Variants in SLC25A38 observed in about 807,000 individuals in gnomAD.
SLC25A38 encodes mitochondrial glycine transporter.
SLC25A38 carries 27 observed loss-of-function variants against 33.4 expected under a neutral mutation model. The observed-to-expected ratio is 0.81, with a 90% CI of 0.60 to 1.11. The LOEUF (loss-of-function observed/expected upper bound fraction) is 1.11, where lower values mean the gene tolerates loss of function less well. SLC25A38 is among the 50% of genes most tolerant of loss of function. The pLI is 0.00. For synonymous variants in SLC25A38, 123 were observed against 145.9 expected, an observed-to-expected ratio of 0.84 and a Z score of 1.13; for missense variants, 344 against 388.8, an observed-to-expected ratio of 0.88 and a Z score of 0.97.
At position 39,391,516 on chromosome 3, in the gene SLC25A38, G is replaced by C. The variant is rs771915585; in HGVS notation, c.352G>C (p.Gly118Arg). Residue 118 changes from glycine to arginine, a missense_variant, in exon 4 of 7, where the codon GGC (glycine) becomes CGC (arginine). Transcript: ENST00000650617. Reference sequence around the variant, plus strand: ...CTCTTTGAAGCAGTATTTCTTGCGAGGCCATCCCCCAACCGCCCTGGAGTC... The same window carrying C: ...CTCTTTGAAGCAGTATTTCTTGCGACGCCATCCCCCAACCGCCCTGGAGTC... ...LYSLKQYFLR[G>R]HPPTALESVM... is the part of the protein sequence containing the mutation. The C allele has an allele frequency of 3.1e-6, 5 of 1,614,198 alleles. No individual in the cohort carries two copies. The highest frequency in any genetic ancestry group is 3.4e-6 in the Non-Finnish European group (4 of 1,180,044).
In SLC25A38 at chr3:39,396,423, A is replaced by C; in HGVS notation, c.818A>C (p.Gln273Pro). The stretch of plus-strand genomic sequence containing the variant: ...GACTATGGACTACGTGGCTTCTTCC[A>C]AGGTGGCATCCCCCGAGCCCTCCGC... The part of the protein sequence containing the change: ...FKDYGLRGFF[Q>P]GGIPRALRRT... The change falls in exon 7 of 7, where the codon CAA becomes CCA. Residue 273 changes from glutamine (Q) to proline (P), a missense_variant. By Grantham distance (76) the Gln-to-Pro change is moderately conservative (BLOSUM62 -1). Transcript: ENST00000650617. 1 of 1,614,092 alleles carries C rather than the reference A, an allele frequency of 6.2e-7. No homozygotes were observed.
intron 6 of SLC25A38, among the ~76,000 whole-genome samples, chr3:39,395,605 C>T (rs1375223529): frequency 6.6e-6 from 1 of 151,394 alleles, no homozygotes; most frequent in Non-Finnish European, 1.5e-5. Context: ...CAAATCAACC[C>T]AGATTATGAG....
Position 39,383,718 on chromosome 3 carries a change from A to T in SLC25A38, c.-7A>T. ...TGGGCCCAGAGGACTCGCGGGCCTCATCTCCAATGATTCAGAACTCACGTC... is the reference window on the plus strand; with the variant it reads ...TGGGCCCAGAGGACTCGCGGGCCTCTTCTCCAATGATTCAGAACTCACGTC... On this transcript the variant is annotated 5_prime_UTR_variant, in exon 1 of 7. Transcript: ENST00000650617. 6.2e-7 allele frequency: 1 copy of T among 1,614,062 alleles called. No individual in the cohort carries two copies. The highest frequency in any genetic ancestry group is 1.1e-5 in the South Asian group (1 of 91,088).
At chr3:39,391,341 T>C in intron 3 of SLC25A38, 100 bp from the exon 4 acceptor site, 1 of 1,535,666 alleles carries the variant, frequency 6.5e-7, no homozygotes. Flanking sequence ...ACAAAGCACT[T>C]GCATGCGAAT....
At chr3:39,391,356 T>C in intron 3 of SLC25A38, 85 bp from the exon 4 acceptor site, 2 of 1,586,788 alleles carry the variant, frequency 1.3e-6, no homozygotes, top group Non-Finnish European at 1.7e-6. Context: ...GCGAATCATC[T>C]TGGGGTCTTT....
chr3:39,384,651 G>A, intron 1 of SLC25A38: 3 of 398,486 alleles, frequency 7.5e-6, no homozygotes, highest in Non-Finnish European at 1.3e-5. Flanking sequence ...TTTTTTCAGG[G>A]CAGTAGGAAT....
In SLC25A38 at chr3:39,396,397, G is replaced by C; in HGVS notation, c.793-1G>C. The C allele has an allele frequency of 6.2e-7, 1 of 1,614,006 alleles. No homozygotes were observed. The highest frequency in any genetic ancestry group is 1.1e-5 in the South Asian group (1 of 91,068). On this transcript the variant is annotated splice_acceptor_variant, in intron 6 of 6. Transcript: ENST00000650617. LOFTEE classifies it high-confidence loss of function. ...AGTTCTGACATTTATTTTCACCATA[G>C]GACTATGGACTACGTGGCTTCTTCC...
chr3:39,396,269 C>T (rs1370129385), intron 6 of SLC25A38, 129 bp from the exon 7 acceptor site: 2 of 1,461,716 alleles, frequency 1.4e-6, no homozygotes, highest in African/African-American at 2.8e-5. Flanking sequence ...ATTATTCTTA[C>T]TTTGGGCATA....
At chr3:39,391,351 T>A in intron 3 of SLC25A38, 90 bp from the exon 4 acceptor site, 1 of 1,578,400 alleles carries the variant, frequency 6.3e-7, no homozygotes, top group South Asian at 1.1e-5. Context: ...TGCATGCGAA[T>A]CATCTTGGGG....
In SLC25A38 at chr3:39,397,153, AT is replaced by A. The variant is rs34288981; in HGVS notation, c.*642del. On this transcript the variant is annotated 3_prime_UTR_variant, in exon 7 of 7. Coordinates refer to ENST00000650617, the MANE Select transcript of SLC25A38 (RefSeq NM_017875.4). ...TACTGTTTTACCTCTAAATTCTGGC[AT>A]TTTTTTTTCCCTGCAATTAAAGTGC... 0.27 allele frequency: 41,173 copies of A among 153,256 alleles called. 6,077 individuals carry two copies. The highest frequency in any genetic ancestry group is 0.32 in the Non-Finnish European group (22,069 of 68,972). The allele number at this position is 153,256 out of a possible 1,614,324, so 9.5% of individuals were successfully genotyped here.
chr3:39,387,928 AGAGGCTGTGTTAGTG>A (rs1235955517), intron 1 of SLC25A38: 1 of 153,382 alleles, frequency 6.5e-6, no homozygotes, highest in Non-Finnish European at 1.5e-5. Flanking sequence ...GTGAGCCCTC[AGAGGCTGTGTTAGTG>A]GAGGAGATTT....
At chr3:39,390,533 C>T in intron 3 of SLC25A38, 26 bp downstream of exon 3, 1 of 1,605,974 alleles carries the variant, frequency 6.2e-7, no homozygotes, top group Non-Finnish European at 8.5e-7. Context: ...GGTCTAGGTT[C>T]CCTAGCATCC....
At chr3:39,391,783 G>A in intron 4 of SLC25A38, 70 bp from the exon 5 acceptor site, 1 of 1,608,358 alleles carries the variant, frequency 6.2e-7, no homozygotes. Context: ...CCCATAACCT[G>A]CAGTCTGCTT....
intron 6 of SLC25A38, 93 bp from the exon 7 acceptor site, chr3:39,396,305 T>TGA: frequency 6.3e-7 from 1 of 1,578,388 alleles, no homozygotes. Context: ...GTCTTAAACA[T>TGA]GGGATAACAG....
chr3:39,386,049 A>G (rs2041705706), intron 1 of SLC25A38, among the ~76,000 whole-genome samples: 1 of 152,224 alleles, frequency 6.6e-6, no homozygotes, highest in Admixed American at 6.5e-5. Context: ...TGAGAGGAAT[A>G]TGAACCAATT....
chr3:39,396,157 C>T lies in SLC25A38; in HGVS notation c.793-241C>T, dbSNP rs532835370. 2.6e-5 allele frequency among the ~76,000 whole-genome samples: 4 copies of T among 152,094 alleles called. 1 individual carries two copies. The highest frequency in any genetic ancestry group is 4.2e-4 in the South Asian group (2 of 4,810). On this transcript the variant is annotated intron_variant, in intron 6 of 6. Coordinates refer to ENST00000650617, the MANE Select transcript of SLC25A38 (RefSeq NM_017875.4). ...CCCAGGAGGCAGAGGTTGCAGTGAG[C>T]CGAGATCGCGCCACTGCACTATAGC...
At position 39,391,553 on chromosome 3, in the gene SLC25A38, G is replaced by C; in HGVS notation, c.389G>C (p.Gly130Ala). The C allele has an allele frequency of 6.2e-7, 1 of 1,614,184 alleles. No homozygotes were observed. The highest frequency in any genetic ancestry group is 8.5e-7 in the Non-Finnish European group (1 of 1,180,036). Residue 130 changes from glycine to alanine, a missense_variant, in exon 4 of 7, where the codon GGG becomes GCG. Physicochemically the swap from Gly to Ala is moderately conservative, Grantham distance 60. This residue lies in a region of SLC25A38 where 269 missense variants were observed against 271.8 expected (regional missense o/e 0.99). Coordinates refer to ENST00000650617, the MANE Select transcript of SLC25A38 (RefSeq NM_017875.4). ...ACCGCCCTGGAGTCAGTCATGCTGG[G>C]GGTGGGCTCTCGCTCTGTTGCAGGG... ...PPTALESVMLGVGSRSVAGVC... is the reference protein window; with the variant it reads ...PPTALESVMLAVGSRSVAGVC...
chr3:39,384,356 C>G (rs1181673043), intron 1 of SLC25A38: 1 of 267,200 alleles, frequency 3.7e-6, no homozygotes, highest in East Asian at 6.6e-5. Flanking sequence ...GCCGCCGGGC[C>G]GCTATTGGTG....
chr3:39,396,525 G>A lies in SLC25A38; in HGVS notation c.*5G>A. ...AAGATGGGCCTGAAGTCCTGACCAA[G>A]AGAGGACTGGGAACGGGTGAAATCT... On this transcript the variant is annotated 3_prime_UTR_variant, in exon 7 of 7. Coordinates refer to ENST00000650617, the MANE Select transcript of SLC25A38 (RefSeq NM_017875.4). 6.2e-7 allele frequency: 1 copy of A among 1,614,066 alleles called. No homozygotes were observed.
Sources: gnomAD v4.1 joint callset for allele counts (sites outside exome capture counted in the v4.1 genomes callset) on GRCh38, gnomAD v4.1.1 for gene constraint, gnomAD v4.1.1 regional missense constraint, MANE v1.5 for transcripts, NCBI Gene and HGNC (gene_info 2026-07-23, HGNC 2026-07-21) for gene names.